Variants in RHOBTB1 observed in about 807,000 individuals in gnomAD.
RHOBTB1 encodes Rho related BTB domain containing 1.
RHOBTB1 carries 40 observed loss-of-function variants against 71.6 expected under a neutral mutation model. The observed-to-expected ratio is 0.56, with a 90% CI of 0.43 to 0.73. The LOEUF (loss-of-function observed/expected upper bound fraction) is 0.73, where lower values mean the gene tolerates loss of function less well. Ranked by LOEUF, RHOBTB1 falls within the 30% of genes least tolerant of loss-of-function variation. The pLI is 0.00. For synonymous variants in RHOBTB1, 319 were observed against 334.9 expected (o/e 0.95, Z 0.52); for missense variants, 797 against 894.0 (o/e 0.89, Z 1.38).
intron 1 of RHOBTB1, among the ~76,000 whole-genome samples, chr10:60,942,119 C>A (rs1372225150): frequency 5.3e-5 from 8 of 152,014 alleles, no homozygotes; most frequent in Non-Finnish European, 1.2e-4. Flanking sequence ...CAAAACAAAA[C>A]AAAACCCTAA....
intron 2 of RHOBTB1, among the ~76,000 whole-genome samples, chr10:60,917,622 T>A (rs1387923635): frequency 1.3e-5 from 2 of 152,134 alleles, no homozygotes; most frequent in Non-Finnish European, 2.9e-5. Context: ...GGCACTAATC[T>A]CATCATGGGG....
At chr10:60,945,750 C>T (rs530143822), upstream of RHOBTB1, among the ~76,000 whole-genome samples, 6 of 152,194 alleles carry the variant, frequency 3.9e-5, no homozygotes, top group African/African-American at 1.4e-4. Flanking sequence ...AAGCCATTCC[C>T]ACGGCAGTAT....
intron 2 of RHOBTB1, among the ~76,000 whole-genome samples, chr10:60,974,243 C>T (rs1346284415): frequency 1.3e-5 from 2 of 151,872 alleles, no homozygotes; most frequent in Non-Finnish European, 2.9e-5. Flanking sequence ...TAAATGTATA[C>T]TTGGAAACAA....
At chr10:60,910,369 G>A (rs1194882001) in intron 4 of RHOBTB1, among the ~76,000 whole-genome samples, 1 of 152,038 alleles carries the variant, frequency 6.6e-6, no homozygotes, top group African/African-American at 2.4e-5. Flanking sequence ...TTGGAAATAT[G>A]TCTTGCGAAG....
At chr10:60,883,048 A>G (rs1252640129) in intron 7 of RHOBTB1, among the ~76,000 whole-genome samples, 1 of 152,156 alleles carries the variant, frequency 6.6e-6, no homozygotes, top group Non-Finnish European at 1.5e-5. Flanking sequence ...CACTTCCCCA[A>G]CGTCAAGCTG....
intron 2 of RHOBTB1, among the ~76,000 whole-genome samples, chr10:60,981,649 T>C (rs2086499424): frequency 1.3e-5 from 2 of 152,202 alleles, no homozygotes; most frequent in Non-Finnish European, 1.5e-5. Context: ...AATCAGACCA[T>C]ATTTCTGAGC....
chr10:60,921,673 C>T (rs2083570750), intron 2 of RHOBTB1, among the ~76,000 whole-genome samples: 1 of 152,184 alleles, frequency 6.6e-6, no homozygotes, highest in Non-Finnish European at 1.5e-5. Flanking sequence ...TATAAAAATA[C>T]AGCCACTCCA....
intron 2 of RHOBTB1, among the ~76,000 whole-genome samples, chr10:60,952,626 A>G (rs2085452271): frequency 6.6e-6 from 1 of 152,210 alleles, no homozygotes; most frequent in Admixed American, 6.5e-5. Context: ...ACTTTCATAT[A>G]ATTAGCATTT....
rs141934242 is a variant in RHOBTB1 at position 60,872,257 on chromosome 10, A to G, written c.1849T>C (p.Leu617=). The G allele has an allele frequency of 3.1e-4, 508 of 1,614,034 alleles. No homozygotes were observed. The highest frequency in any genetic ancestry group is 4.0e-4 in the Non-Finnish European group (472 of 1,179,984). The change falls in exon 10 of 11, where the codon TTG becomes CTG. Residue 617 remains leucine (L), a synonymous_variant. Transcript: ENST00000337910. The part of the protein sequence containing the change: ...HNAHQLAAWC[L]HHICTNYNSV... ...TTGTAGTTGGTGCAGATGTGGTGCA[A>G]ACACCAGGCGGCCAACTGGTGGGCA...
chr10:60,923,643 C>T (rs1023103899), intron 2 of RHOBTB1, among the ~76,000 whole-genome samples: 1 of 152,138 alleles, frequency 6.6e-6, no homozygotes, highest in Non-Finnish European at 1.5e-5. Flanking sequence ...TGTCTCCATC[C>T]AAATCTCATC....
At chr10:60,891,902 C>T (rs750677459) in intron 5 of RHOBTB1, among the ~76,000 whole-genome samples, 2 of 152,036 alleles carry the variant, frequency 1.3e-5, no homozygotes, top group Non-Finnish European at 2.9e-5. Flanking sequence ...GGGGGCGGTT[C>T]CCCCATGCTA....
intron 2 of RHOBTB1, among the ~76,000 whole-genome samples, chr10:60,933,538 A>G (rs1316337522): frequency 2.6e-5 from 4 of 152,088 alleles, no homozygotes; most frequent in African/African-American, 9.7e-5. Flanking sequence ...TGGCCAACAT[A>G]GTGAAACTTA....
chr10:60,884,409 TA>T (rs1564787954), intron 7 of RHOBTB1, among the ~76,000 whole-genome samples: 2 of 152,206 alleles, frequency 1.3e-5, no homozygotes, highest in East Asian at 1.9e-4. Context: ...TCTACTTTTT[TA>T]AAAAAGATGT....
At chr10:60,964,237 CA>C (rs2085881788) in intron 2 of RHOBTB1, among the ~76,000 whole-genome samples, 1 of 152,078 alleles carries the variant, frequency 6.6e-6, no homozygotes, top group African/African-American at 2.4e-5. Flanking sequence ...AATTTGCTCA[CA>C]GAAGACAGAT....
At chr10:60,913,829 T>C (rs10761563) in intron 2 of RHOBTB1, among the ~76,000 whole-genome samples, 27,736 of 152,154 alleles carry the variant, frequency 0.18, 3,121 homozygotes, top group African/African-American at 0.32. Context: ...GCAAGTTGTT[T>C]GTACTTTCTG....
chr10:60,981,232 C>T (rs373672834), intron 2 of RHOBTB1, among the ~76,000 whole-genome samples: 1 of 152,014 alleles, frequency 6.6e-6, no homozygotes, highest in East Asian at 1.9e-4. Flanking sequence ...GAAGAGAAGG[C>T]TATAATTAGA....
intron 2 of RHOBTB1, among the ~76,000 whole-genome samples, chr10:60,971,964 A>G (rs2086173744): frequency 6.6e-6 from 1 of 152,222 alleles, no homozygotes; most frequent in African/African-American, 2.4e-5. Context: ...GTCATTAGAG[A>G]AATGCAAATC....
At chr10:60,971,759 C>T (rs1265226479) in intron 2 of RHOBTB1, among the ~76,000 whole-genome samples, 1 of 152,114 alleles carries the variant, frequency 6.6e-6, no homozygotes, top group African/African-American at 2.4e-5. Context: ...GAGCAGGCAA[C>T]CTACAGAATA....
intron 1 of RHOBTB1, among the ~76,000 whole-genome samples, chr10:60,998,443 A>C (rs1268285858): frequency 6.6e-6 from 1 of 152,232 alleles, no homozygotes; most frequent in Admixed American, 6.5e-5. Flanking sequence ...ATGGGGAAGA[A>C]GACAAAAACA....
Sources: gnomAD v4.1 joint callset for allele counts (sites outside exome capture counted in the v4.1 genomes callset) on GRCh38, gnomAD v4.1.1 for gene constraint, MANE v1.5 for transcripts, NCBI Gene and HGNC (gene_info 2026-07-23, HGNC 2026-07-21) for gene names.